Variants in NRG2 observed in about 807,000 individuals in gnomAD.
NRG2 encodes pro-neuregulin-2, membrane-bound isoform.
A neutral mutation model predicts 73.9 loss-of-function variants in NRG2; 27 were observed. The ratio of observed to expected loss-of-function variants is 0.37; its 90% CI spans 0.27 to 0.50. The LOEUF is 0.50. Among genes scored for constraint, NRG2 ranks in the 20% least tolerant of loss-of-function variants. The probability of loss-of-function intolerance (pLI) is 0.96; values close to 1 mark genes in which losing one functional copy is unlikely to be tolerated. For missense variants in NRG2, 1,126 were observed against 1,210.1 expected (o/e 0.93, Z 1.03); for synonymous variants, 532 against 541.0 (o/e 0.98, Z 0.23).
chr5:139,880,798 C>T, intron 3 of NRG2, 58 bp downstream of exon 3: 5 of 1,368,936 alleles, frequency 3.7e-6, no homozygotes, highest in Non-Finnish European at 5.1e-6. Context: ...GCTGGGGGGC[C>T]ACTGGCCCGC....
rs149619517 is a variant in NRG2, at chr5:139,903,721, C to G, written c.701-16210G>C. Among the ~76,000 whole-genome samples, 724 of 152,372 alleles carry G rather than the reference C, an allele frequency of 4.8e-3. 5 individuals are homozygous for G. The highest frequency in any genetic ancestry group is 0.016 in the African/African-American group (680 of 41,584). On this transcript the variant is annotated intron_variant, in intron 1 of 9. Coordinates refer to ENST00000361474, the MANE Select transcript of NRG2 (RefSeq NM_004883.3). ...ACTGCCCAATGTCTAGTCCAGTTCCCAGGGAACTGTCACAGAAGCAGCGGC... is the reference window on the plus strand; with the variant it reads ...ACTGCCCAATGTCTAGTCCAGTTCCGAGGGAACTGTCACAGAAGCAGCGGC...
intron 1 of NRG2, among the ~76,000 whole-genome samples, chr5:139,981,053 C>T (rs1756762090): frequency 6.6e-6 from 1 of 152,220 alleles, no homozygotes; most frequent in Non-Finnish European, 1.5e-5. Context: ...GTGGCAGCAG[C>T]TTCCTAAGAA....
At chr5:139,976,393 G>T (rs558752045) in intron 1 of NRG2, among the ~76,000 whole-genome samples, 1 of 152,310 alleles carries the variant, frequency 6.6e-6, no homozygotes, top group Admixed American at 6.5e-5. Context: ...CAAATGCAGA[G>T]CCAACAGTCT....
At chr5:139,959,088 C>G (rs1455585893) in intron 1 of NRG2, among the ~76,000 whole-genome samples, 1 of 152,236 alleles carries the variant, frequency 6.6e-6, no homozygotes, top group Non-Finnish European at 1.5e-5. Context: ...AGGTAGCCAT[C>G]TGTGGCTGTG....
At position 139,982,196 on chromosome 5, in the gene NRG2, T is replaced by C. The variant is rs375974514; in HGVS notation, c.700+60174A>G. Among the ~76,000 whole-genome samples the C allele has an allele frequency of 5.9e-5, 9 of 152,268 alleles. No individual in the cohort carries two copies. In the East Asian group the frequency reaches 1.7e-3, roughly 29 times the overall value. ...AAAGTGAAGCCTAAACTCCTCTGCC[T>C]AGAATTCAAAGCAATCTACAATCTG... On this transcript the variant is annotated intron_variant, in intron 1 of 9. Coordinates refer to ENST00000361474, the MANE Select transcript of NRG2 (RefSeq NM_004883.3).
intron 9 of NRG2, 74 bp from the exon 10 acceptor site, chr5:139,848,771 T>TGGGGGGGG: frequency 1.8e-5 from 1 of 54,660 alleles, no homozygotes; most frequent in Non-Finnish European, 3.2e-5. Context: ...GGGGGTGGGG[T>TGGGGGGGG]AGGGTGGGAG....
chr5:140,024,395 C>T (rs1222816870), intron 1 of NRG2, among the ~76,000 whole-genome samples: 1 of 151,778 alleles, frequency 6.6e-6, no homozygotes, highest in Non-Finnish European at 1.5e-5. Context: ...GCTGGGACTA[C>T]AGGCGCCCGC....
chr5:140,027,172 TG>T (rs1760761227), intron 1 of NRG2, among the ~76,000 whole-genome samples: 1 of 151,810 alleles, frequency 6.6e-6, no homozygotes, highest in African/African-American at 2.4e-5. Flanking sequence ...ATTGTAGAGA[TG>T]AGGTCTCCAT....
intron 1 of NRG2, among the ~76,000 whole-genome samples, chr5:140,024,086 A>C (rs1260796543): frequency 1.3e-5 from 2 of 152,094 alleles, no homozygotes; most frequent in African/African-American, 4.8e-5. Context: ...GAATCCAGAA[A>C]CAGGCTCCCT....
chr5:139,881,675 C>A (rs180810843), intron 2 of NRG2, among the ~76,000 whole-genome samples: 46 of 152,350 alleles, frequency 3.0e-4, no homozygotes, highest in Admixed American at 2.5e-3. Context: ...AAAACTGAGT[C>A]CTAGAGGGAC....
At chr5:139,857,688 C>T (rs372019350) in intron 5 of NRG2, among the ~76,000 whole-genome samples, 1 of 152,066 alleles carries the variant, frequency 6.6e-6, no homozygotes, top group African/African-American at 2.4e-5. Flanking sequence ...CCAAGGGCCA[C>T]GACCAAAGAG....
At chr5:139,997,749 C>G (rs1210938492) in intron 1 of NRG2, among the ~76,000 whole-genome samples, 2 of 152,242 alleles carry the variant, frequency 1.3e-5, no homozygotes, top group African/African-American at 2.4e-5. Flanking sequence ...TTCCTGAGAA[C>G]AGCCAGCATG....
At chr5:140,030,028 C>A (rs927909758) in intron 1 of NRG2, among the ~76,000 whole-genome samples, 1 of 152,150 alleles carries the variant, frequency 6.6e-6, no homozygotes, top group Non-Finnish European at 1.5e-5. Flanking sequence ...TAGCAAACTC[C>A]TCCACAGAAA....
rs1761101447 is a variant in NRG2, at chr5:139,847,993, C to T, written c.2477G>A (p.Ser826Asn). Residue 826 changes from serine to asparagine, a missense_variant, in exon 10 of 10, where the codon AGC becomes AAC. Coordinates refer to ENST00000361474, the MANE Select transcript of NRG2 (RefSeq NM_004883.3). ...ADSRTYYSLD[S>N]HSTRASSRHS... Reference sequence around the variant, plus strand: ...TCTGCTGCTGGCCCGCGTGCTGTGGCTGTCCAGTGAGTAGTAAGTCCTGCT... The same window carrying T: ...TCTGCTGCTGGCCCGCGTGCTGTGGTTGTCCAGTGAGTAGTAAGTCCTGCT... 3 of 1,514,422 alleles carry T rather than the reference C, an allele frequency of 2.0e-6. No homozygotes were observed. The highest frequency in any genetic ancestry group is 2.6e-6 in the Non-Finnish European group (3 of 1,135,760). 93.8% of individuals were successfully genotyped at this position (1,514,422 alleles called of 1,614,324 possible).
intron 1 of NRG2, among the ~76,000 whole-genome samples, chr5:139,977,320 A>G (rs1205772781): frequency 1.3e-5 from 2 of 152,338 alleles, no homozygotes; most frequent in South Asian, 2.1e-4. Context: ...ATAGAGGGGA[A>G]TGATTATGAA....
intron 1 of NRG2, among the ~76,000 whole-genome samples, chr5:139,893,578 T>C (rs1241785244): frequency 6.6e-6 from 1 of 152,196 alleles, no homozygotes; most frequent in Non-Finnish European, 1.5e-5. Flanking sequence ...GGCAAGCTGA[T>C]GGCCTACACA....
At chr5:140,006,966 G>A (rs538309754) in intron 1 of NRG2, among the ~76,000 whole-genome samples, 1 of 152,266 alleles carries the variant, frequency 6.6e-6, no homozygotes, top group African/African-American at 2.4e-5. Context: ...CATCACACAA[G>A]CTGCCTACAT....
chr5:140,042,578 C>T lies in NRG2; in HGVS notation c.492G>A (p.Leu164=). The part of the protein sequence containing the change: ...ASGRVALVKV[L]DKWPLRSGGL... Reference sequence around the variant, plus strand: ...CCCCGCTCCGGAGCGGCCACTTGTCCAGCACCTTTACCAACGCCACCCGAC... The same window carrying T: ...CCCCGCTCCGGAGCGGCCACTTGTCTAGCACCTTTACCAACGCCACCCGAC... The change falls in exon 1 of 10, where the codon CTG becomes CTA. Residue 164 remains leucine, a synonymous_variant. Coordinates refer to ENST00000361474, the MANE Select transcript of NRG2 (RefSeq NM_004883.3). 1.2e-6 allele frequency: 2 copies of T among 1,612,596 alleles called. No individual in the cohort carries two copies. Among genetic ancestry groups the T allele is most frequent in the Non-Finnish European group, 1.7e-6 (2 of 1,179,616 alleles).
intron 1 of NRG2, among the ~76,000 whole-genome samples, chr5:139,941,068 A>G (rs1436635325): frequency 6.6e-6 from 1 of 152,226 alleles, no homozygotes; most frequent in African/African-American, 2.4e-5. Context: ...AAGGAAAGAA[A>G]GAAAATGTGA....
Sources: allele counts gnomAD v4.1 joint callset (sites outside exome capture counted in the v4.1 genomes callset), GRCh38; gene constraint gnomAD v4.1.1; transcripts MANE v1.5; gene names NCBI Gene and HGNC (gene_info 2026-07-23, HGNC 2026-07-21).